RNF152: variants seen among roughly 807,000 people sequenced by gnomAD.
RNF152 encodes ring finger protein 152, also known as E3 ubiquitin-protein ligase RNF152.
Under a neutral mutation model 12.7 loss-of-function variants are expected in RNF152, and 11 were observed. The observed-to-expected ratio is 0.86, with a 90% CI of 0.54 to 1.43. The LOEUF (loss-of-function observed/expected upper bound fraction) is 1.43, where lower values mean the gene tolerates loss of function less well. Ranked by LOEUF, RNF152 falls within the 40% of genes most tolerant of loss-of-function variation. The probability of loss-of-function intolerance (pLI) is 0.00; values close to 1 mark genes in which losing one functional copy is unlikely to be tolerated. For synonymous variants in RNF152, 113 were observed against 120.3 expected (o/e 0.94, Z 0.40); for missense variants, 255 against 274.8 (o/e 0.93, Z 0.51).
At chr18:61,859,792 T>C (rs1316676341) in intron 1 of RNF152, among the ~76,000 whole-genome samples, 5 of 151,980 alleles carry the variant, frequency 3.3e-5, no homozygotes, top group African/African-American at 1.2e-4. Flanking sequence ...GGCAGAAGAA[T>C]GGCTTGAATC....
chr18:61,817,546 G>A (rs570031721), intron 1 of RNF152, among the ~76,000 whole-genome samples: 26 of 152,202 alleles, frequency 1.7e-4, no homozygotes, highest in Non-Finnish European at 2.4e-4. Context: ...CCTGTATACC[G>A]AGGGCCATCT....
At chr18:61,848,318 G>T (rs1910825746) in intron 1 of RNF152, among the ~76,000 whole-genome samples, 1 of 152,022 alleles carries the variant, frequency 6.6e-6, no homozygotes, top group South Asian at 2.1e-4. Context: ...AGATATCAGT[G>T]CTTCCACAAT....
Position 61,816,266 on chromosome 18 carries a change from C to G in RNF152, c.198G>C (p.Val66=). ...CCTCCGGGTCGTCCGGGAGCTGCGA[C>G]ACGGAGAAGCCGGGAGGCAGCTTGG... The part of the protein sequence containing the change: ...GVTKLPPGFS[V]SQLPDDPEVL... The change falls in exon 2 of 2, where the codon GTG becomes GTC. Residue 66 remains valine (V), a synonymous_variant. Coordinates refer to ENST00000312828, the MANE Select transcript of RNF152 (RefSeq NM_173557.3). 2 of 1,614,236 alleles carry G rather than the reference C, an allele frequency of 1.2e-6. No individual in the cohort carries two copies. The highest frequency in any genetic ancestry group is 3.3e-4 in the Middle Eastern group (2 of 6,062).
intron 1 of RNF152, among the ~76,000 whole-genome samples, chr18:61,886,423 A>G (rs1912702580): frequency 6.6e-6 from 1 of 152,248 alleles, no homozygotes; most frequent in Non-Finnish European, 1.5e-5. Flanking sequence ...GATCTCTTTG[A>G]GTGCCTATAC....
intron 1 of RNF152, among the ~76,000 whole-genome samples, chr18:61,870,491 G>A (rs900541909): frequency 6.6e-6 from 1 of 152,098 alleles, no homozygotes; most frequent in Non-Finnish European, 1.5e-5. Flanking sequence ...GCTGTCCCTC[G>A]AGAGAAGGCT....
chr18:61,889,617 T>A (rs774436512), intron 1 of RNF152, among the ~76,000 whole-genome samples: 3 of 152,200 alleles, frequency 2.0e-5, no homozygotes, highest in Non-Finnish European at 2.9e-5. Flanking sequence ...ACTCTCTGGG[T>A]GTTCTACTAG....
chr18:61,861,971 AC>A (rs1414662606), intron 1 of RNF152, among the ~76,000 whole-genome samples: 1 of 152,154 alleles, frequency 6.6e-6, no homozygotes, highest in Non-Finnish European at 1.5e-5. Context: ...GGGCTCAGAC[AC>A]CCAAACTATA....
At chr18:61,830,530 G>A (rs142856709) in intron 1 of RNF152, among the ~76,000 whole-genome samples, 176 of 152,236 alleles carry the variant, frequency 1.2e-3, no homozygotes, top group African/African-American at 4.1e-3. Context: ...ATTTCACTAA[G>A]CATGTCTTCA....
rs138007770 is a variant in RNF152, at chr18:61,810,731, T to TA, written c.*5120dup. ...CATCGTTGCTTTTTAAATAGACTAC[T>TA]ACTTTCAAAACAGCTACTGAATTAT... On this transcript the variant is annotated 3_prime_UTR_variant, in exon 2 of 2. Coordinates refer to ENST00000312828, the MANE Select transcript of RNF152 (RefSeq NM_173557.3). 23 of 152,362 alleles carry TA rather than the reference T, an allele frequency of 1.5e-4. No individual in the cohort carries two copies. The East Asian group carries it at 4.0e-3, about 27-fold the overall frequency. The allele number at this position is 152,362 out of a possible 1,614,324, so 9.4% of individuals were successfully genotyped here. A position where few individuals can be genotyped will look rare whatever the true frequency, so the allele number is the denominator to read the frequency against.
At chr18:61,838,823 C>T (rs761927942) in intron 1 of RNF152, among the ~76,000 whole-genome samples, 3 of 152,142 alleles carry the variant, frequency 2.0e-5, no homozygotes, top group Non-Finnish European at 4.4e-5. Context: ...GACTTGACTC[C>T]TTGACTCCCT....
At chr18:61,857,038 C>A (rs142918688) in intron 1 of RNF152, among the ~76,000 whole-genome samples, 1 of 152,282 alleles carries the variant, frequency 6.6e-6, no homozygotes, top group Non-Finnish European at 1.5e-5. Flanking sequence ...GAGAAACCAG[C>A]ATTATTCAGT....
intron 1 of RNF152, among the ~76,000 whole-genome samples, chr18:61,825,287 G>C (rs1478765133): frequency 6.6e-6 from 1 of 152,170 alleles, no homozygotes; most frequent in Non-Finnish European, 1.5e-5. Context: ...ACAGAGCACT[G>C]GAAGGAGACT....
At chr18:61,841,906 C>T (rs1190879306) in intron 1 of RNF152, among the ~76,000 whole-genome samples, 3 of 152,208 alleles carry the variant, frequency 2.0e-5, no homozygotes, top group African/African-American at 7.2e-5. Context: ...GTTACAACTG[C>T]TCAACTCTAC....
intron 1 of RNF152, among the ~76,000 whole-genome samples, chr18:61,831,322 G>A (rs56384369): frequency 0.27 from 40,584 of 152,034 alleles, 6,205 homozygotes; most frequent in Non-Finnish European, 0.35. Context: ...GGAAATGCTC[G>A]GATTCATCAT....
chr18:61,817,050 G>A (rs1248778694), intron 1 of RNF152, among the ~76,000 whole-genome samples: 3 of 152,152 alleles, frequency 2.0e-5, no homozygotes, highest in Non-Finnish European at 2.9e-5. Flanking sequence ...AGTCTTAATT[G>A]CAAGATTTAG....
intron 1 of RNF152, among the ~76,000 whole-genome samples, chr18:61,877,209 G>C (rs768634782): frequency 5.3e-5 from 8 of 152,194 alleles, no homozygotes; most frequent in Non-Finnish European, 8.8e-5. Context: ...ACGTATTTTG[G>C]TCAGGGGTTC....
At chr18:61,892,469 G>C (rs1204126946) in intron 1 of RNF152, among the ~76,000 whole-genome samples, 1 of 152,080 alleles carries the variant, frequency 6.6e-6, no homozygotes, top group Non-Finnish European at 1.5e-5. Flanking sequence ...TATTACTACA[G>C]ATAAGAAAGC....
At chr18:61,878,804 C>T (rs1912328159) in intron 1 of RNF152, among the ~76,000 whole-genome samples, 1 of 152,174 alleles carries the variant, frequency 6.6e-6, no homozygotes, top group Non-Finnish European at 1.5e-5. Context: ...AGGGCAGAGC[C>T]TTCATGGCCT....
intron 1 of RNF152, among the ~76,000 whole-genome samples, chr18:61,882,652 T>C (rs972431450): frequency 6.6e-6 from 1 of 152,222 alleles, no homozygotes; most frequent in Admixed American, 6.5e-5. Context: ...CTTATCAGTC[T>C]CCATCAATCC....
Sources: gnomAD v4.1 joint callset for allele counts (sites outside exome capture counted in the v4.1 genomes callset) on GRCh38, gnomAD v4.1.1 for gene constraint, MANE v1.5 for transcripts, NCBI Gene and HGNC (gene_info 2026-07-23, HGNC 2026-07-21) for gene names.